The following TSHZ3 variants were observed in gnomAD, a reference collection of about 807,000 sequenced individuals.
TSHZ3 encodes the protein teashirt homolog 3.
Under a neutral mutation model 64.5 loss-of-function variants are expected in TSHZ3, and 10 were observed. The ratio of observed to expected loss-of-function variants is 0.16; its 90% CI spans 0.10 to 0.26. The LOEUF (loss-of-function observed/expected upper bound fraction) is 0.26, where lower values mean the gene tolerates loss of function less well. Among genes scored for constraint, TSHZ3 ranks in the 10% least tolerant of loss-of-function variants. The pLI is 1.00. For synonymous variants in TSHZ3, 608 were observed against 593.1 expected (o/e 1.03, Z -0.36); for missense variants, 1,242 against 1,421.7 (o/e 0.87, Z 2.03).
At chr19:31,171,910 G>A (rs558432212) in intron 5 of TSHZ3, among the ~76,000 whole-genome samples, 21 of 152,224 alleles carry the variant, frequency 1.4e-4, no homozygotes, top group African/African-American at 3.9e-4. Flanking sequence ...TCTTCTCCCC[G>A]CTCAGGTATT....
At chr19:31,297,404 C>T (rs1445498801) in intron 1 of TSHZ3, among the ~76,000 whole-genome samples, 1 of 141,902 alleles carries the variant, frequency 7.0e-6, no homozygotes, top group Non-Finnish European at 1.6e-5. Flanking sequence ...GTAAGGGTAG[C>T]TTATTCCCTT....
intron 1 of TSHZ3, among the ~76,000 whole-genome samples, chr19:31,322,257 T>C (rs1295757486): frequency 2.0e-4 from 30 of 152,300 alleles, no homozygotes; most frequent in Non-Finnish European, 1.5e-5. Context: ...TGCCTCGGCC[T>C]CCCAAGTATC....
intron 1 of TSHZ3, among the ~76,000 whole-genome samples, chr19:31,280,980 G>A (rs934497592): frequency 2.6e-5 from 4 of 152,172 alleles, no homozygotes; most frequent in African/African-American, 9.7e-5. Context: ...CCAGCCCTGT[G>A]GCTAGGAACA....
intron 1 of TSHZ3, among the ~76,000 whole-genome samples, chr19:31,309,452 G>A (rs375665211): frequency 2.4e-4 from 36 of 152,114 alleles, no homozygotes; most frequent in African/African-American, 6.5e-4. Context: ...GTCAATCCCC[G>A]CATGGAATGG....
intron 1 of TSHZ3, among the ~76,000 whole-genome samples, chr19:31,295,394 T>C (rs1240473289): frequency 6.6e-6 from 1 of 152,228 alleles, no homozygotes; most frequent in East Asian, 1.9e-4. Flanking sequence ...GCAAAGCAAC[T>C]GGAAAGGATT....
At chr19:31,207,330 A>AT (rs753399864) in intron 4 of TSHZ3, among the ~76,000 whole-genome samples, 1 of 152,158 alleles carries the variant, frequency 6.6e-6, no homozygotes, top group South Asian at 2.1e-4. Context: ...AATTTGAACA[A>AT]TTTTTGAGCA....
intron 1 of TSHZ3, among the ~76,000 whole-genome samples, chr19:31,283,277 TG>T (rs1431140697): frequency 1.3e-5 from 2 of 152,078 alleles, no homozygotes; most frequent in Non-Finnish European, 2.9e-5. Context: ...AGGGTGCAAG[TG>T]AGCCATGACC....
chr19:31,309,163 C>T (rs905476709), intron 1 of TSHZ3, among the ~76,000 whole-genome samples: 15 of 152,230 alleles, frequency 9.9e-5, no homozygotes, highest in Admixed American at 2.6e-4. Flanking sequence ...CGGAAGGCAT[C>T]GCTTTGTACG....
At chr19:31,287,311 G>A (rs980369091) in intron 1 of TSHZ3, among the ~76,000 whole-genome samples, 2 of 152,194 alleles carry the variant, frequency 1.3e-5, no homozygotes, top group Non-Finnish European at 2.9e-5. Flanking sequence ...CCCCTGGGAA[G>A]GTGCTTTGCT....
chr19:31,311,066 G>C (rs1916443220), intron 1 of TSHZ3, among the ~76,000 whole-genome samples: 1 of 152,156 alleles, frequency 6.6e-6, no homozygotes, highest in Non-Finnish European at 1.5e-5. Flanking sequence ...GGTGCCACCT[G>C]GTAAGGTGGC....
At chr19:31,217,719 T>A (rs1042971327) in intron 4 of TSHZ3, among the ~76,000 whole-genome samples, 1 of 152,158 alleles carries the variant, frequency 6.6e-6, no homozygotes, top group Non-Finnish European at 1.5e-5. Context: ...CGAGTTTAGA[T>A]CAATGCATAA....
At chr19:31,231,344 C>G (rs1197681643) in intron 3 of TSHZ3, among the ~76,000 whole-genome samples, 2 of 152,070 alleles carry the variant, frequency 1.3e-5, no homozygotes, top group East Asian at 3.9e-4. Flanking sequence ...TGCCAAAGCC[C>G]CTGGCTGATC....
intron 5 of TSHZ3, among the ~76,000 whole-genome samples, chr19:31,185,658 T>C (rs559645712): frequency 6.6e-6 from 1 of 152,304 alleles, no homozygotes; most frequent in South Asian, 2.1e-4. Context: ...CAGAGACACA[T>C]TATTTTCTTT....
At chr19:31,331,030 A>T (rs1917074116) in intron 1 of TSHZ3, among the ~76,000 whole-genome samples, 1 of 152,142 alleles carries the variant, frequency 6.6e-6, no homozygotes, top group South Asian at 2.1e-4. Context: ...TCCCTTCTAC[A>T]TGAGAGCTGC....
chr19:31,277,940 G>A lies in TSHZ3; in HGVS notation c.1853C>T (p.Thr618Ile). Reference sequence around the variant, plus strand: ...CTCCTCCACTTTGGCAACTTTCTCAGTGACCTTTTTCACCAGCTCCTCCAT... The same window carrying A: ...CTCCTCCACTTTGGCAACTTTCTCAATGACCTTTTTCACCAGCTCCTCCAT... Reference protein sequence around the residue: ...HAMEELVKKVTEKVAKVEEKM... With the variant: ...HAMEELVKKVIEKVAKVEEKM... Residue 618 changes from threonine to isoleucine, a missense_variant, in exon 2 of 2, where the codon ACT becomes ATT. Thr to Ile is a moderately conservative substitution (Grantham distance 89). Around this residue, in one of 4 missense-constraint regions of TSHZ3, gnomAD observed 550 missense variants for 545.1 expected, o/e 1.01. Transcript: ENST00000240587. This position sits in a 1 kb window ranked among gnomAD's most constrained non-coding sequence, Gnocchi z 4.5. 1.2e-6 allele frequency: 2 copies of A among 1,614,236 alleles called. No individual in the cohort carries two copies. Among genetic ancestry groups the A allele is most frequent in the Non-Finnish European group, 1.7e-6 (2 of 1,180,048 alleles).
chr19:31,288,076 A>G (rs1976495774), intron 1 of TSHZ3, among the ~76,000 whole-genome samples: 1 of 152,142 alleles, frequency 6.6e-6, no homozygotes. Flanking sequence ...CTAGGACTAC[A>G]GGCACTAGAT....
chr19:31,242,577 T>C (rs1975706702), exon 3 of TSHZ3, among the ~76,000 whole-genome samples: 1 of 152,008 alleles, frequency 6.6e-6, no homozygotes, highest in African/African-American at 2.4e-5. Flanking sequence ...GTCTCAGGTC[T>C]AGAAAACAGA....
chr19:31,208,794 C>T (rs1468949339), intron 4 of TSHZ3, among the ~76,000 whole-genome samples: 1 of 152,208 alleles, frequency 6.6e-6, no homozygotes, highest in Non-Finnish European at 1.5e-5. Flanking sequence ...TTTGACAACA[C>T]ACTCTTCCAT....
chr19:31,339,889 T>A (rs779185669), intron 1 of TSHZ3, among the ~76,000 whole-genome samples: 1 of 134,852 alleles, frequency 7.4e-6, no homozygotes, highest in Non-Finnish European at 1.5e-5. Flanking sequence ...GTGGGTTATT[T>A]AAAAAAATTG....
Sources: gnomAD v4.1 joint callset for allele counts (sites outside exome capture counted in the v4.1 genomes callset) on GRCh38, gnomAD v4.1.1 for gene constraint, gnomAD v4.1.1 regional missense constraint, Gnocchi (gnomAD v3.1) non-coding constraint, MANE v1.5 for transcripts, NCBI Gene and HGNC (gene_info 2026-07-23, HGNC 2026-07-21) for gene names.